NAV2: variants seen among roughly 807,000 people sequenced by gnomAD.
NAV2 encodes neuron navigator 2, also known as helicase, APC down-regulated 1.
NAV2 carries 54 observed loss-of-function variants against 223.2 expected under a neutral mutation model. The observed-to-expected ratio is 0.24, with a 90% CI of 0.19 to 0.30. NAV2 has a LOEUF of 0.30. NAV2 is among the 10% of genes least tolerant of loss of function. The probability of loss-of-function intolerance (pLI) is 1.00; values close to 1 mark genes in which losing one functional copy is unlikely to be tolerated. For synonymous variants in NAV2, 1,279 were observed against 1,239.3 expected (o/e 1.03, Z -0.67); for missense variants, 2,806 against 3,147.5 (o/e 0.89, Z 2.60).
At chr11:19,597,294 C>T (rs1407336113) in intron 1 of NAV2, among the ~76,000 whole-genome samples, 3 of 152,216 alleles carry the variant, frequency 2.0e-5, no homozygotes. Flanking sequence ...GTTGATTCAG[C>T]TGTTTTCCTA....
intron 6 of NAV2, among the ~76,000 whole-genome samples, chr11:19,916,586 A>G (rs911743095): frequency 6.6e-6 from 1 of 152,232 alleles, no homozygotes; most frequent in African/African-American, 2.4e-5. Flanking sequence ...TCACTTTATC[A>G]AACAACATTT....
chr11:20,083,994 C>T (rs569665023), intron 26 of NAV2, among the ~76,000 whole-genome samples: 1 of 152,226 alleles, frequency 6.6e-6, no homozygotes, highest in Non-Finnish European at 1.5e-5. Context: ...GGAGTACAGG[C>T]AAAATCAGCC....
intron 4 of NAV2, 74 bp from the exon 5 acceptor site, chr11:19,879,795 G>C: frequency 6.4e-7 from 1 of 1,564,150 alleles, no homozygotes; most frequent in Non-Finnish European, 8.8e-7. Flanking sequence ...TCAAACTCAC[G>C]TGCCGACTGA....
chr11:20,068,108 T>C (rs1162032278), intron 20 of NAV2, 78 bp from the exon 21 acceptor site: 2 of 1,230,698 alleles, frequency 1.6e-6, no homozygotes, highest in African/African-American at 1.5e-5. Flanking sequence ...ACCATCTGAA[T>C]ATGGTGTTCC....
chr11:19,982,388 C>T (rs1316886613), intron 10 of NAV2, among the ~76,000 whole-genome samples: 2 of 152,138 alleles, frequency 1.3e-5, no homozygotes, highest in African/African-American at 4.8e-5. Context: ...CTGCCTCAGC[C>T]TCCCAAGTAG....
intron 1 of NAV2, among the ~76,000 whole-genome samples, chr11:19,605,456 A>C (rs1030725982): frequency 3.3e-5 from 5 of 152,080 alleles, no homozygotes; most frequent in Non-Finnish European, 5.9e-5. Context: ...ATCTATTTTA[A>C]AAACATATAC....
chr11:19,604,312 C>T (rs547650493), intron 1 of NAV2, among the ~76,000 whole-genome samples: 30 of 152,050 alleles, frequency 2.0e-4, no homozygotes, highest in African/African-American at 5.8e-4. Flanking sequence ...GGGGGGGCAT[C>T]GGTGGTGTGT....
chr11:19,415,669 G>A (rs1182995434), intron 1 of NAV2, among the ~76,000 whole-genome samples: 2 of 152,198 alleles, frequency 1.3e-5, no homozygotes, highest in Non-Finnish European at 2.9e-5. Context: ...CAATATCCCT[G>A]ATGAACATCG....
chr11:19,536,214 C>G (rs752181603), intron 1 of NAV2, among the ~76,000 whole-genome samples: 1 of 152,194 alleles, frequency 6.6e-6, no homozygotes, highest in African/African-American at 2.4e-5. Context: ...GAAAGCCAAG[C>G]CTTAGTGAAG....
chr11:19,509,725 CT>C (rs1467950117), intron 1 of NAV2, among the ~76,000 whole-genome samples: 7 of 152,174 alleles, frequency 4.6e-5, no homozygotes, highest in Non-Finnish European at 8.8e-5. Flanking sequence ...TGTTTCCCCC[CT>C]AAAGCCTTAG....
At chr11:19,922,758 C>A (rs1281750624) in intron 6 of NAV2, among the ~76,000 whole-genome samples, 2 of 152,160 alleles carry the variant, frequency 1.3e-5, no homozygotes, top group Non-Finnish European at 2.9e-5. Flanking sequence ...CTCCAAGAAG[C>A]CTTTCCAGGT....
intron 1 of NAV2, among the ~76,000 whole-genome samples, chr11:19,513,528 A>G (rs1285035173): frequency 6.6e-6 from 1 of 152,082 alleles, no homozygotes; most frequent in Non-Finnish European, 1.5e-5. Flanking sequence ...CTAGTGGTGT[A>G]GACAGTCATG....
chr11:20,036,926 T>C (rs1027016555), intron 12 of NAV2, among the ~76,000 whole-genome samples: 1 of 152,170 alleles, frequency 6.6e-6, no homozygotes, highest in East Asian at 1.9e-4. Context: ...GTTTCAAATG[T>C]GGTGTAGTTT....
intron 1 of NAV2, among the ~76,000 whole-genome samples, chr11:19,828,036 C>T (rs796608943): frequency 1.5e-4 from 20 of 137,124 alleles, no homozygotes; most frequent in Non-Finnish European, 2.6e-4. Flanking sequence ...CCCAGCTACT[C>T]GGGAGGCTGA....
chr11:19,604,752 TC>T (rs1352156406), intron 1 of NAV2, among the ~76,000 whole-genome samples: 1 of 152,204 alleles, frequency 6.6e-6, no homozygotes, highest in Non-Finnish European at 1.5e-5. Context: ...GAATTGTAGC[TC>T]CTGCAATTCC....
intron 1 of NAV2, among the ~76,000 whole-genome samples, chr11:19,543,318 T>C (rs1041332630): frequency 3.3e-5 from 5 of 152,184 alleles, no homozygotes; most frequent in Non-Finnish European, 7.3e-5. Context: ...GAAAGTCCTT[T>C]CAAAATATAT....
At chr11:19,562,229 G>A (rs1019570722) in intron 1 of NAV2, among the ~76,000 whole-genome samples, 4 of 152,142 alleles carry the variant, frequency 2.6e-5, no homozygotes, top group Admixed American at 6.5e-5. Flanking sequence ...ATTTAGTCTC[G>A]CAACATCCAT....
chr11:19,569,637 C>T (rs1037114248), intron 1 of NAV2, among the ~76,000 whole-genome samples: 1 of 152,148 alleles, frequency 6.6e-6, no homozygotes, highest in Non-Finnish European at 1.5e-5. Flanking sequence ...TAGCACAGAG[C>T]TTGGTACATA....
At chr11:19,403,502 A>C (rs924983031) in intron 1 of NAV2, among the ~76,000 whole-genome samples, 35 of 152,210 alleles carry the variant, frequency 2.3e-4, no homozygotes, top group Admixed American at 7.2e-4. Context: ...AGAGCATTCC[A>C]TGTAAAAGGA....
Sources: gnomAD v4.1 joint callset for allele counts (sites outside exome capture counted in the v4.1 genomes callset) on GRCh38, gnomAD v4.1.1 for gene constraint, MANE v1.5 for transcripts, NCBI Gene and HGNC (gene_info 2026-07-23, HGNC 2026-07-21) for gene names.